The following MED12L variants were observed in gnomAD, a reference collection of about 807,000 sequenced individuals.
MED12L encodes mediator complex subunit 12L.
In MED12L, 60 loss-of-function variants were observed where a neutral mutation model predicts 281.3. The observed-to-expected ratio is 0.21, with a 90% CI of 0.17 to 0.26. The LOEUF is 0.26. Ranked by LOEUF, MED12L falls within the 10% of genes least tolerant of loss-of-function variation. The probability of loss-of-function intolerance (pLI) is 1.00; values close to 1 mark genes in which losing one functional copy is unlikely to be tolerated. For synonymous variants in MED12L, 974 were observed against 987.2 expected (o/e 0.99, Z 0.25); for missense variants, 2,146 against 2,680.9 (o/e 0.80, Z 4.41).
intron 11 of MED12L, among the ~76,000 whole-genome samples, chr3:151,166,803 G>A (rs1427174615): frequency 6.6e-6 from 1 of 151,898 alleles, no homozygotes; most frequent in East Asian, 1.9e-4. Context: ...AGCCTCCCGA[G>A]TAGCTGGGAT....
chr3:151,308,431 A>C (rs887490606), intron 16 of MED12L, among the ~76,000 whole-genome samples: 1 of 152,120 alleles, frequency 6.6e-6, no homozygotes, highest in Non-Finnish European at 1.5e-5. Flanking sequence ...TTTATGTAAG[A>C]GGCTAGTCAG....
At chr3:151,395,871 G>T (rs574808612) in intron 39 of MED12L, among the ~76,000 whole-genome samples, 3 of 152,298 alleles carry the variant, frequency 2.0e-5, no homozygotes, top group African/African-American at 7.2e-5. Context: ...TAACTTTCTA[G>T]GCATATCTCC....
At chr3:151,144,452 C>A (rs1403866105) in intron 5 of MED12L, among the ~76,000 whole-genome samples, 2 of 152,168 alleles carry the variant, frequency 1.3e-5, no homozygotes, top group African/African-American at 4.8e-5. Context: ...TGCAACCTTG[C>A]AGTACAAGAC....
intron 16 of MED12L, among the ~76,000 whole-genome samples, chr3:151,349,219 G>A (rs17204437): frequency 0.11 from 16,784 of 152,048 alleles, 1,221 homozygotes; most frequent in Middle Eastern, 0.17. Flanking sequence ...ATATGCTTTC[G>A]TTATGCTGTG....
chr3:151,233,712 A>G (rs749341734), intron 16 of MED12L, among the ~76,000 whole-genome samples: 1 of 152,344 alleles, frequency 6.6e-6, no homozygotes, highest in South Asian at 2.1e-4. Flanking sequence ...CAACCTGGGC[A>G]ACAAGAGTGA....
chr3:151,240,876 T>C (rs1364642517), intron 16 of MED12L, among the ~76,000 whole-genome samples: 3 of 152,240 alleles, frequency 2.0e-5, no homozygotes, highest in Non-Finnish European at 4.4e-5. Context: ...GACTTTATTC[T>C]TCAAGTACCA....
intron 16 of MED12L, among the ~76,000 whole-genome samples, chr3:151,313,922 C>A (rs530166501): frequency 3.8e-4 from 54 of 143,304 alleles, no homozygotes; most frequent in Admixed American, 4.8e-4. Context: ...GACTCCGTCT[C>A]AAAAAAAAAA....
intron 16 of MED12L, chr3:151,199,446 A>G: frequency 7.0e-7 from 1 of 1,437,148 alleles, no homozygotes; most frequent in Non-Finnish European, 9.4e-7. Flanking sequence ...GACTCTGTAA[A>G]AGAAACAAGG....
intron 38 of MED12L, 85 bp downstream of exon 38, chr3:151,390,220 C>T: frequency 1.5e-6 from 2 of 1,370,904 alleles, no homozygotes; most frequent in Non-Finnish European, 2.0e-6. Flanking sequence ...CTCCACAAAA[C>T]TTGGACATTT....
Position 151,435,752 on chromosome 3 carries a change from A to AAT in MED12L, c.*2952_*2953dup, listed in dbSNP as rs1720093030. 1 of 152,202 alleles carries AAT rather than the reference A, an allele frequency of 6.6e-6. No individual in the cohort carries two copies. The highest frequency in any genetic ancestry group is 2.4e-5 in the African/African-American group (1 of 41,448). 9.4% of individuals were successfully genotyped at this position (152,202 alleles called of 1,614,324 possible). A position where few individuals can be genotyped will look rare whatever the true frequency, so the allele number is the denominator to read the frequency against. ...TTAATTCAGGTTGAATTAAGCATGT[A>AAT]ATATAAATTCAGTGAATTACAAAAA... On this transcript the variant is annotated 3_prime_UTR_variant, in exon 45 of 45. Transcript: ENST00000687756.
chr3:151,347,853 A>ATTAG (rs1355917028), intron 16 of MED12L, among the ~76,000 whole-genome samples: 1 of 152,132 alleles, frequency 6.6e-6, no homozygotes, highest in Non-Finnish European at 1.5e-5. Flanking sequence ...GAGGTTTAGA[A>ATTAG]AGGTTTATTA....
At chr3:151,199,944 G>T (rs3773615) in intron 16 of MED12L, among the ~76,000 whole-genome samples, 34,439 of 151,684 alleles carry the variant, frequency 0.23, 4,315 homozygotes, top group African/African-American at 0.35. Flanking sequence ...CAGCCTGGTC[G>T]CAAGAGTCTG....
Position 151,188,364 on chromosome 3 carries a change from A to G in MED12L, c.1637A>G (p.Glu546Gly). The G allele has an allele frequency of 6.2e-7, 1 of 1,603,374 alleles. No homozygotes were observed. The highest frequency in any genetic ancestry group is 1.3e-5 in the African/African-American group (1 of 74,798). ...ATTTTTAATCTGTAGAGATGTGGTG[A>G]ATCAGAAGTCTTAGATGAGAAGGAG... Reference protein sequence around the residue: ...QAEIEAERCGESEVLDEKESI... With the variant: ...QAEIEAERCGGSEVLDEKESI... Residue 546 changes from glutamate (E) to glycine (G), a missense_variant, in exon 13 of 45, where the codon GAA (glutamate) becomes GGA (glycine). Physicochemically the swap from Glu to Gly is moderately conservative, Grantham distance 98. Coordinates refer to ENST00000687756, the MANE Select transcript of MED12L (RefSeq NM_001393769.1).
chr3:151,394,702 C>T lies in MED12L; in HGVS notation c.5655C>T (p.Thr1885=), dbSNP rs142645688. The T allele has an allele frequency of 4.6e-5, 74 of 1,614,160 alleles. No individual in the cohort carries two copies. The highest frequency in any genetic ancestry group is 1.6e-4 in the Middle Eastern group (1 of 6,084). ...DPAGSFVPTN[T]KQALSNMLQR... ...CAGGCTCCTTTGTCCCAACCAACAC[C>T]AAACAAGCTCTGTCAAACATGCTAC... The change falls in exon 39 of 45, where the codon ACC becomes ACT. Residue 1885 remains threonine, a synonymous_variant. Coordinates refer to ENST00000687756, the MANE Select transcript of MED12L (RefSeq NM_001393769.1).
intron 43 of MED12L, among the ~76,000 whole-genome samples, chr3:151,419,145 G>T (rs1057047790): frequency 3.3e-5 from 5 of 152,116 alleles, no homozygotes; most frequent in African/African-American, 1.2e-4. Context: ...GGTACAAAAT[G>T]GTGATTTTTC....
At chr3:151,395,361 A>G (rs749839037) in intron 39 of MED12L, among the ~76,000 whole-genome samples, 4 of 152,192 alleles carry the variant, frequency 2.6e-5, no homozygotes, top group Non-Finnish European at 5.9e-5. Flanking sequence ...TAAGGTCTAG[A>G]GCAGATAAAT....
chr3:151,417,768 C>A (rs1191338345), intron 43 of MED12L, among the ~76,000 whole-genome samples: 2 of 152,172 alleles, frequency 1.3e-5, no homozygotes, highest in Non-Finnish European at 2.9e-5. Context: ...CTGTGCCCGG[C>A]CTATTCCCCA....
intron 23 of MED12L, 128 bp downstream of exon 23, chr3:151,366,119 T>C: frequency 1.2e-6 from 1 of 823,192 alleles, no homozygotes; most frequent in Non-Finnish European, 1.7e-6. Context: ...TTTCTTTCTC[T>C]GTCCAAAAGC....
In MED12L at chr3:151,160,140, A is replaced by T. The variant is rs774910625; in HGVS notation, c.1107+39A>T. 4 of 1,472,270 alleles carry T rather than the reference A, an allele frequency of 2.7e-6. No homozygotes were observed. In the South Asian group the frequency reaches 4.5e-5, roughly 17 times the overall value. The allele number at this position is 1,472,270 out of a possible 1,614,324, so 91.2% of individuals were successfully genotyped here. On this transcript the variant is annotated intron_variant, in intron 8 of 44. Coordinates refer to ENST00000687756, the MANE Select transcript of MED12L (RefSeq NM_001393769.1). ...CCTTGTTATTTTATGTTAAAATTCAATGTGGGAAGTGATTGAGTTGGGAAT... is the reference window on the plus strand; with the variant it reads ...CCTTGTTATTTTATGTTAAAATTCATTGTGGGAAGTGATTGAGTTGGGAAT...
Sources: gnomAD v4.1 joint callset for allele counts (sites outside exome capture counted in the v4.1 genomes callset) on GRCh38, gnomAD v4.1.1 for gene constraint, MANE v1.5 for transcripts, NCBI Gene and HGNC (gene_info 2026-07-23, HGNC 2026-07-21) for gene names.